The following RBFOX1 variants were observed in gnomAD, a reference collection of about 807,000 sequenced individuals.
RBFOX1 encodes RNA binding protein fox-1 homolog 1.
Under a neutral mutation model 57.7 loss-of-function variants are expected in RBFOX1, and 8 were observed. The ratio of observed to expected loss-of-function variants is 0.14; its 90% CI spans 0.08 to 0.25. The LOEUF (loss-of-function observed/expected upper bound fraction) is 0.25. RBFOX1 is among the 10% of genes least tolerant of loss of function. The pLI is 1.00. For missense variants in RBFOX1, 611 were observed against 548.5 expected (o/e 1.11, Z -1.14); for synonymous variants, 326 against 222.4 (o/e 1.47, Z -4.15).
chr16:5,824,619 A>G (rs2055972355), intron 3 of RBFOX1, among the ~76,000 whole-genome samples: 1 of 152,220 alleles, frequency 6.6e-6, no homozygotes, highest in Admixed American at 6.5e-5. Flanking sequence ...GAATAATTGA[A>G]AATGAAAATC....
At chr16:6,326,238 G>C (rs1166657640) in intron 2 of RBFOX1, among the ~76,000 whole-genome samples, 1 of 152,174 alleles carries the variant, frequency 6.6e-6, no homozygotes, top group Non-Finnish European at 1.5e-5. Context: ...TTCATAAATA[G>C]CTATGGAAAA....
chr16:6,588,557 C>G (rs1468182479), intron 2 of RBFOX1, among the ~76,000 whole-genome samples: 1 of 152,036 alleles, frequency 6.6e-6, no homozygotes. Context: ...GAGGCTGAGG[C>G]TGGAGAATCG....
intron 14 of RBFOX1, among the ~76,000 whole-genome samples, chr16:7,695,649 CAAAA>C (rs34363093): frequency 1.8e-4 from 18 of 98,384 alleles, no homozygotes; most frequent in Admixed American, 7.4e-4. Flanking sequence ...AAGCCTCCAT[CAAAA>C]AAAAAAAAAA....
chr16:7,275,996 T>A (rs985896002), intron 4 of RBFOX1, among the ~76,000 whole-genome samples: 42 of 152,304 alleles, frequency 2.8e-4, no homozygotes, highest in African/African-American at 9.4e-4. Flanking sequence ...TAGCTGAGAT[T>A]ACACACTGCC....
At chr16:5,902,748 C>A (rs2058335912) in intron 4 of RBFOX1, among the ~76,000 whole-genome samples, 1 of 152,098 alleles carries the variant, frequency 6.6e-6, no homozygotes, top group African/African-American at 2.4e-5. Flanking sequence ...AAGCCTTCAT[C>A]AATCTCTTAT....
chr16:5,797,905 A>G (rs967718835), intron 3 of RBFOX1, among the ~76,000 whole-genome samples: 10 of 152,140 alleles, frequency 6.6e-5, no homozygotes, highest in Non-Finnish European at 1.2e-4. Flanking sequence ...TCCGCACTCC[A>G]TCTGCTTGAG....
intron 3 of RBFOX1, among the ~76,000 whole-genome samples, chr16:6,860,222 G>A (rs1181844781): frequency 1.3e-5 from 2 of 152,148 alleles, no homozygotes; most frequent in African/African-American, 4.8e-5. Context: ...TATATTGAAT[G>A]CCCGTTATGT....
chr16:6,687,212 A>G (rs1426990249), intron 3 of RBFOX1, among the ~76,000 whole-genome samples: 1 of 152,112 alleles, frequency 6.6e-6, no homozygotes, highest in Non-Finnish European at 1.5e-5. Context: ...GTATGTTCTG[A>G]CTTAGAAGTA....
rs552056528 is a variant in RBFOX1, at chr16:7,342,777, G to A, written c.28-175370G>A. ...TGAAACCACCATCCTCTTTCCACAT[G>A]GCTGGTATAAAAGCCACCATCCTCT... On this transcript the variant is annotated intron_variant, in intron 4 of 15. Coordinates refer to ENST00000550418, the MANE Select transcript of RBFOX1 (RefSeq NM_018723.4). Among the ~76,000 whole-genome samples, 14 of 152,048 alleles carry A rather than the reference G, an allele frequency of 9.2e-5. No individual in the cohort carries two copies. The South Asian group carries it at 1.9e-3, about 20-fold the overall frequency.
chr16:7,105,977 A>C (rs373903511), intron 4 of RBFOX1, among the ~76,000 whole-genome samples: 1 of 151,968 alleles, frequency 6.6e-6, no homozygotes, highest in African/African-American at 2.4e-5. Flanking sequence ...GCTAATGACA[A>C]CTCTATGAAA....
intron 4 of RBFOX1, among the ~76,000 whole-genome samples, chr16:7,253,573 C>T (rs17561584): frequency 0.14 from 20,987 of 152,166 alleles, 1,841 homozygotes; most frequent in Middle Eastern, 0.28. Flanking sequence ...TTCTGGATGT[C>T]TCCTCTGTCT....
chr16:7,482,238 A>G (rs1789370953), intron 4 of RBFOX1, among the ~76,000 whole-genome samples: 1 of 152,216 alleles, frequency 6.6e-6, no homozygotes, highest in Non-Finnish European at 1.5e-5. Context: ...TTGCATTGTA[A>G]GAGCTCAAAC....
chr16:7,536,697 C>T (rs915458998), intron 5 of RBFOX1, among the ~76,000 whole-genome samples: 2 of 152,190 alleles, frequency 1.3e-5, no homozygotes, highest in Admixed American at 6.5e-5. Context: ...GATGCAGGGG[C>T]GTGTGGAAGC....
intron 3 of RBFOX1, among the ~76,000 whole-genome samples, chr16:6,859,993 C>T (rs1249800794): frequency 6.6e-6 from 1 of 152,114 alleles, no homozygotes; most frequent in African/African-American, 2.4e-5. Context: ...GGTTTTTGCT[C>T]ATTGACTGTA....
At chr16:7,424,274 A>T (rs948957480) in intron 4 of RBFOX1, among the ~76,000 whole-genome samples, 2 of 134,834 alleles carry the variant, frequency 1.5e-5, no homozygotes, top group African/African-American at 4.9e-5. Flanking sequence ...ATACATATAT[A>T]TGGGGGTGGG....
At position 7,156,407 on chromosome 16, in the gene RBFOX1, ATG is replaced by A. The variant is rs1235675659; in HGVS notation, c.27+104314_27+104315del. On this transcript the variant is annotated intron_variant, in intron 4 of 15. Coordinates refer to ENST00000550418, the MANE Select transcript of RBFOX1 (RefSeq NM_018723.4). Reference sequence around the variant, plus strand: ...TATATGCACACATACATGTACATATATGTGTGCGTATAGTTGTACATACACAT... The same window carrying A: ...TATATGCACACATACATGTACATATATGTGCGTATAGTTGTACATACACAT... 1.2e-4 allele frequency among the ~76,000 whole-genome samples: 19 copies of A among 152,168 alleles called. No individual in the cohort carries two copies. The East Asian group carries it at 1.9e-3, about 15-fold the overall frequency.
intron 1 of RBFOX1, among the ~76,000 whole-genome samples, chr16:6,042,827 C>T (rs935443399): frequency 3.9e-5 from 6 of 152,000 alleles, no homozygotes. Context: ...GGTAAGTAGC[C>T]TGCGGCTTAC....
At chr16:7,209,187 T>C (rs1350756454) in intron 4 of RBFOX1, among the ~76,000 whole-genome samples, 1 of 144,650 alleles carries the variant, frequency 6.9e-6, no homozygotes, top group Non-Finnish European at 1.5e-5. Flanking sequence ...ATAATAATAA[T>C]TGCAGGGTGT....
chr16:7,386,104 G>T (rs529153281), intron 4 of RBFOX1, among the ~76,000 whole-genome samples: 4 of 151,970 alleles, frequency 2.6e-5, no homozygotes, highest in African/African-American at 9.6e-5. Context: ...TTAAGGTTTT[G>T]CCACACGCTA....
Sources: gnomAD v4.1 joint callset for allele counts (sites outside exome capture counted in the v4.1 genomes callset) on GRCh38, gnomAD v4.1.1 for gene constraint, MANE v1.5 for transcripts, NCBI Gene and HGNC (gene_info 2026-07-23, HGNC 2026-07-21) for gene names.